The following TCAF1 variants were observed in gnomAD, a reference collection of about 807,000 sequenced individuals.
TCAF1 encodes the protein TRPM8 channel-associated factor 1.
A neutral mutation model predicts 27.3 loss-of-function variants in TCAF1; 4 were observed. The ratio of observed to expected loss-of-function variants is 0.15; its 90% CI spans 0.07 to 0.34. TCAF1 has a LOEUF of 0.34. TCAF1 is among the 10% of genes least tolerant of loss of function. The pLI, the probability that TCAF1 is intolerant of heterozygous loss-of-function variation, is 1.00. For missense variants in TCAF1, 257 were observed against 425.8 expected (o/e 0.60, Z 3.49); for synonymous variants, 105 against 167.1 (o/e 0.63, Z 2.87).
chr7:143,889,640 T>G (rs1052858765), intron 1 of TCAF1, among the ~76,000 whole-genome samples: 1 of 152,148 alleles, frequency 6.6e-6, no homozygotes, highest in Non-Finnish European at 1.5e-5. Context: ...GAGGCAGAAG[T>G]GGTCCAGTCA....
intron 1 of TCAF1, among the ~76,000 whole-genome samples, chr7:143,888,599 T>C (rs1813519335): frequency 6.6e-6 from 1 of 152,216 alleles, no homozygotes; most frequent in South Asian, 2.1e-4. Context: ...TTTGCAATAT[T>C]AATTCATGCT....
At chr7:143,897,941 C>A (rs988547716) in intron 1 of TCAF1, among the ~76,000 whole-genome samples, 1 of 151,926 alleles carries the variant, frequency 6.6e-6, no homozygotes, top group African/African-American at 2.4e-5. Context: ...TTAAATCACA[C>A]GTATAAATAT....
chr7:143,892,013 G>A lies in TCAF1; in HGVS notation c.-15+9948C>T, dbSNP rs139984315. Among the ~76,000 whole-genome samples the A allele has an allele frequency of 5.0e-3, 761 of 152,078 alleles. 2 individuals are homozygous for A. Among genetic ancestry groups the A allele is most frequent in the Non-Finnish European group, 7.9e-3 (537 of 67,936 alleles). ...TGCCAACCTAAAATTCTATACACAA[G>A]AAAAATATTCCTCAAAAATAAAGGC... On this transcript the variant is annotated intron_variant, in intron 1 of 8. Transcript: ENST00000479870.
At chr7:143,860,627 CAT>C (rs780063194) in intron 5 of TCAF1, among the ~76,000 whole-genome samples, 180 bp from the exon 6 acceptor site, 81 of 152,352 alleles carry the variant, frequency 5.3e-4, no homozygotes, top group Middle Eastern at 3.4e-3. Context: ...CATAGGTAAA[CAT>C]GTGTGATGGT....
Position 143,852,850 on chromosome 7 carries a change from TC to T in TCAF1, c.*1282del, listed in dbSNP as rs1206976380. 5 of 148,996 alleles carry T rather than the reference TC, an allele frequency of 3.4e-5. No individual in the cohort carries two copies. The highest frequency in any genetic ancestry group is 1.5e-5 in the Non-Finnish European group (1 of 67,604). The allele number at this position is 148,996 out of a possible 1,614,324, so 9.2% of individuals were successfully genotyped here. A position where few individuals can be genotyped will look rare whatever the true frequency, so the allele number is the denominator to read the frequency against. ...GACTTAGCTTGCTCTGTTCTTCAAT[TC>T]TTTTTCTTTTTATTTCTTCACCTAC... On this transcript the variant is annotated 3_prime_UTR_variant, in exon 9 of 9. Transcript: ENST00000479870.
chr7:143,876,086 C>T lies in TCAF1; in HGVS notation c.523G>A (p.Val175Met), dbSNP rs756247852. ...AAGTAAATGCCAGCCACACTGGTCA[C>T]GAGGTTCCCAGGGAACGTGAACAGA... Reference protein sequence around the residue: ...RVLFTFPGNLVTSVAGIYFTD... With the variant: ...RVLFTFPGNLMTSVAGIYFTD... The change falls in exon 2 of 9, where the codon GTG (valine) becomes ATG (methionine). Residue 175 changes from valine to methionine, a missense_variant. Transcript: ENST00000479870. 6.8e-6 allele frequency: 11 copies of T among 1,613,378 alleles called. No individual in the cohort carries two copies. Among genetic ancestry groups the T allele is most frequent in the African/African-American group, 5.3e-5 (4 of 74,886 alleles).
intron 1 of TCAF1, among the ~76,000 whole-genome samples, chr7:143,896,134 T>C (rs940521540): frequency 6.6e-6 from 1 of 151,738 alleles, no homozygotes; most frequent in African/African-American, 2.4e-5. Context: ...TTACTACATA[T>C]ATATTTAAAA....
intron 1 of TCAF1, among the ~76,000 whole-genome samples, chr7:143,895,512 G>T (rs1813832331): frequency 6.6e-6 from 1 of 151,694 alleles, no homozygotes; most frequent in African/African-American, 2.4e-5. Flanking sequence ...ACCTAGAGTA[G>T]GGAAAAACAA....
At position 143,860,009 on chromosome 7, in the gene TCAF1, TATAATATATATTATATATTATA is replaced by T. The variant is rs1811906205; in HGVS notation, c.2167+177_2167+198del. On this transcript the variant is annotated intron_variant, in intron 6 of 8. Transcript: ENST00000479870. ...TATAATATATATTATATAATATATATATAATATATATTATATATTATATATATAATATATAATATATATTATA... is the reference window on the plus strand; with the variant it reads ...TATAATATATATTATATAATATATATTATATAATATATAATATATATTATA... Among the ~76,000 whole-genome samples, 6 of 29,392 alleles carry T rather than the reference TATAATATATATTATATATTATA, an allele frequency of 2.0e-4. 1 individual carries two copies. In the East Asian group the frequency reaches 5.8e-3, roughly 29 times the overall value. 19.3% of individuals were successfully genotyped at this position (29,392 alleles called of 152,430 possible).
chr7:143,894,846 G>A (rs754787161), intron 1 of TCAF1, among the ~76,000 whole-genome samples: 14 of 151,222 alleles, frequency 9.3e-5, no homozygotes, highest in Admixed American at 5.3e-4. Context: ...ATGCATATTC[G>A]GAATATAATT....
intron 1 of TCAF1, among the ~76,000 whole-genome samples, chr7:143,900,150 A>T (rs2116879811): frequency 6.6e-6 from 1 of 152,312 alleles, no homozygotes; most frequent in South Asian, 2.1e-4. Flanking sequence ...GGAAGCTCCC[A>T]CACAAGTGTA....
intron 7 of TCAF1, among the ~76,000 whole-genome samples, chr7:143,858,469 T>TTAAAG (rs1811648951): frequency 8.0e-6 from 1 of 125,228 alleles, no homozygotes; most frequent in Non-Finnish European, 1.6e-5. Flanking sequence ...GAGTTTGGCT[T>TTAAAG]CAGTCTCAGG....
intron 1 of TCAF1, among the ~76,000 whole-genome samples, chr7:143,899,949 C>T (rs555871294): frequency 6.6e-6 from 1 of 152,246 alleles, no homozygotes; most frequent in South Asian, 2.1e-4. Flanking sequence ...TTCATACCTG[C>T]CAGACTGACA....
rs1329294964 is a variant in TCAF1 at position 143,852,528 on chromosome 7, A to G, written c.*1605T>C. The G allele has an allele frequency of 6.5e-6, 1 of 153,132 alleles. No homozygotes were observed. The highest frequency in any genetic ancestry group is 1.5e-5 in the Non-Finnish European group (1 of 68,258). 9.5% of individuals were successfully genotyped at this position (153,132 alleles called of 1,614,324 possible). ...AGGAGACTTTCTGAAAATTTGCCTG[A>G]CAGAAAATGTCTTCACTTTGATGTT... On this transcript the variant is annotated 3_prime_UTR_variant, in exon 9 of 9. Transcript: ENST00000479870.
Position 143,876,141 on chromosome 7 carries a change from A to G in TCAF1, c.468T>C (p.Asp156=). 6.2e-7 allele frequency: 1 copy of G among 1,614,188 alleles called. No individual in the cohort carries two copies. The highest frequency in any genetic ancestry group is 8.5e-7 in the Non-Finnish European group (1 of 1,180,026). The change falls in exon 2 of 9, where the codon GAT becomes GAC. Residue 156 remains aspartate, a synonymous_variant. Coordinates refer to ENST00000479870, the MANE Select transcript of TCAF1 (RefSeq NM_014719.3). ...GGLLIGGQAW[D]WANQGEDERV... ...TTTCATCCTCCCCCTGGTTGGCCCA[A>G]TCCCAGGCTTGTCCTCCTATGAGCA...
chr7:143,879,505 T>G (rs1812902011), intron 1 of TCAF1, among the ~76,000 whole-genome samples: 1 of 152,138 alleles, frequency 6.6e-6, no homozygotes, highest in Non-Finnish European at 1.5e-5. Flanking sequence ...CAAAAACAAT[T>G]TTATGGTGCC....
chr7:143,853,698 G>A lies in TCAF1; in HGVS notation c.*435C>T. 1 of 8,252 alleles carries A rather than the reference G, an allele frequency of 1.2e-4. No individual in the cohort carries two copies. Among genetic ancestry groups the A allele is most frequent in the African/African-American group, 2.2e-4 (1 of 4,590 alleles). 0.5% of individuals were successfully genotyped at this position (8,252 alleles called of 1,614,324 possible). A position where few individuals can be genotyped will look rare whatever the true frequency, so the allele number is the denominator to read the frequency against. ...TAGAGAATTAGCTGACCGGCTGGGG[G>A]TAGGGGCACTTATTTCCACTAGAAG... is the stretch of plus-strand genomic sequence containing the variant. On this transcript the variant is annotated 3_prime_UTR_variant, in exon 9 of 9. Transcript: ENST00000479870.
At chr7:143,874,739 T>G (rs1812595304) in intron 2 of TCAF1, among the ~76,000 whole-genome samples, 1 of 152,116 alleles carries the variant, frequency 6.6e-6, no homozygotes, top group Admixed American at 6.5e-5. Context: ...GGTTTCCAGG[T>G]TTTATGAACA....
chr7:143,874,832 G>A (rs1448140947), intron 2 of TCAF1, among the ~76,000 whole-genome samples: 1 of 152,090 alleles, frequency 6.6e-6, no homozygotes, highest in Non-Finnish European at 1.5e-5. Flanking sequence ...ATGTTCCTGT[G>A]CCCCTAATTC....
Sources: gnomAD v4.1 joint callset for allele counts (sites outside exome capture counted in the v4.1 genomes callset) on GRCh38, gnomAD v4.1.1 for gene constraint, MANE v1.5 for transcripts, NCBI Gene and HGNC (gene_info 2026-07-23, HGNC 2026-07-21) for gene names.